Variants in EXOSC2 observed in about 807,000 individuals in gnomAD.
EXOSC2 encodes the protein exosome component 2, also known as exosome complex component RRP4.
EXOSC2 carries 29 observed loss-of-function variants against 37.6 expected under a neutral mutation model. The ratio of observed to expected loss-of-function variants is 0.77; its 90% CI spans 0.57 to 1.05. EXOSC2 has a LOEUF of 1.05. Among genes scored for constraint, EXOSC2 ranks in the 50% least tolerant of loss-of-function variants. The probability of loss-of-function intolerance (pLI) is 0.00; values close to 1 mark genes in which losing one functional copy is unlikely to be tolerated. For missense variants in EXOSC2, 346 were observed against 365.6 expected (o/e 0.95, Z 0.44); for synonymous variants, 119 against 131.1 (o/e 0.91, Z 0.63).
Position 130,694,052 on chromosome 9 carries a change from CT to C in EXOSC2, c.122+141del, listed in dbSNP as rs1038811576. The C allele has an allele frequency of 4.1e-6, 4 of 977,112 alleles. No individual in the cohort carries two copies. The African/African-American group carries it at 6.7e-5, about 16-fold the overall frequency. 60.5% of individuals were successfully genotyped at this position (977,112 alleles called of 1,614,324 possible). ...TCGTCTGAGCATCCTACACACCTCGCTTCCGAGCCTCGTGCTTCTTGCTCCC... is the reference window on the plus strand; with the variant it reads ...TCGTCTGAGCATCCTACACACCTCGCTCCGAGCCTCGTGCTTCTTGCTCCC... On this transcript the variant is annotated intron_variant, in intron 1 of 8. Coordinates refer to ENST00000372358, the MANE Select transcript of EXOSC2 (RefSeq NM_014285.7). This position sits in a 1 kb window ranked among gnomAD's most constrained non-coding sequence, Gnocchi z 4.0.
chr9:130,697,320 G>A (rs1220140973), intron 2 of EXOSC2, among the ~76,000 whole-genome samples: 4 of 152,158 alleles, frequency 2.6e-5, no homozygotes, highest in African/African-American at 7.2e-5. Context: ...TCGTGTAATC[G>A]AACAAAATAG....
At chr9:130,700,733 G>A in intron 5 of EXOSC2, 134 bp from the exon 6 acceptor site, 1 of 716,652 alleles carries the variant, frequency 1.4e-6, no homozygotes, top group Non-Finnish European at 2.4e-6. Flanking sequence ...ATGTGCTCTG[G>A]GTCAAAGATT....
At chr9:130,697,925 C>G in intron 3 of EXOSC2, 1 of 545,250 alleles carries the variant, frequency 1.8e-6, no homozygotes, top group South Asian at 2.1e-5. Context: ...TCCCAAGTAG[C>G]TGGGATTACA....
At position 130,702,140 on chromosome 9, in the gene EXOSC2, C is replaced by G; in HGVS notation, c.502C>G (p.Gln168Glu). 6.2e-7 allele frequency: 1 copy of G among 1,613,976 alleles called. No homozygotes were observed. The highest frequency in any genetic ancestry group is 8.5e-7 in the Non-Finnish European group (1 of 1,179,962). ...TCGTGATATATTTCTTTAGCTAGGT[C>G]AGGGGGTTTTGGTCCAGGTTTCCCC... ...TRSLKYGKLGQGVLVQVSPSL... is the reference protein window; with the variant it reads ...TRSLKYGKLGEGVLVQVSPSL... The change falls in exon 7 of 9, where the codon CAG becomes GAG. Residue 168 changes from glutamine to glutamate, a missense_variant. Physicochemically the swap from Gln to Glu is conservative, Grantham distance 29. Transcript: ENST00000372358.
rs555198147 is a variant in EXOSC2 at position 130,704,892 on chromosome 9, A to G, written c.*1118A>G. On this transcript the variant is annotated 3_prime_UTR_variant, in exon 9 of 9. Transcript: ENST00000372358. ...GAATTCCTGTGCATTGTTTTTTCTG[A>G]TGACTATCTAAAAATGGTGCCCTGA... 8 of 152,112 alleles carry G rather than the reference A, an allele frequency of 5.3e-5. No individual in the cohort carries two copies. The highest frequency in any genetic ancestry group is 2.0e-4 in the Admixed American group (3 of 15,242). The allele number at this position is 152,112 out of a possible 1,614,324, so 9.4% of individuals were successfully genotyped here.
chr9:130,700,587 G>C (rs1831194646), intron 5 of EXOSC2, among the ~76,000 whole-genome samples: 1 of 151,896 alleles, frequency 6.6e-6, no homozygotes, highest in African/African-American at 2.4e-5. Context: ...TAGAACTCCT[G>C]ACCTCAGGTG....
At position 130,700,860 on chromosome 9, in the gene EXOSC2, T is replaced by C; in HGVS notation, c.427-7T>C. 1 of 1,613,986 alleles carries C rather than the reference T, an allele frequency of 6.2e-7. No homozygotes were observed. Among genetic ancestry groups the C allele is most frequent in the Non-Finnish European group, 8.5e-7 (1 of 1,179,950 alleles). The stretch of plus-strand genomic sequence containing the variant: ...GCTGCTGTTTGTTCCTTCATCACCC[T>C]GGCCAGGCTGAGGTCCAGGCAGTGT... On this transcript the variant is annotated splice_region_variant and splice_polypyrimidine_tract_variant and intron_variant, in intron 5 of 8. Transcript: ENST00000372358.
intron 2 of EXOSC2, among the ~76,000 whole-genome samples, chr9:130,695,991 G>A (rs1181861672): frequency 6.6e-6 from 1 of 151,442 alleles, no homozygotes; most frequent in Non-Finnish European, 1.5e-5. Flanking sequence ...CTCCCGAGTA[G>A]CTGGGATTAC....
rs1831041353 is a variant in EXOSC2, at chr9:130,694,147, G to A, written c.122+234G>A. Among the ~76,000 whole-genome samples, 1 of 152,180 alleles carries A rather than the reference G, an allele frequency of 6.6e-6. No homozygotes were observed. Among genetic ancestry groups the A allele is most frequent in the East Asian group, 1.9e-4 (1 of 5,176 alleles). On this transcript the variant is annotated intron_variant, in intron 1 of 8. Transcript: ENST00000372358. The surrounding 1 kb of genome is among the most constrained non-coding windows in gnomAD (Gnocchi z 4.0). ...AACCCTCCACTCCTGACCTCCGGTGGCTGTGACTTTTGGGTCTTCTGCCTG... is the reference window on the plus strand; with the variant it reads ...AACCCTCCACTCCTGACCTCCGGTGACTGTGACTTTTGGGTCTTCTGCCTG...
chr9:130,698,023 A>G lies in EXOSC2; in HGVS notation c.271-139A>G. The G allele has an allele frequency of 1.4e-6, 1 of 712,674 alleles. No individual in the cohort carries two copies. Among genetic ancestry groups the G allele is most frequent in the South Asian group, 1.7e-5 (1 of 60,400 alleles). The allele number at this position is 712,674 out of a possible 1,614,324, so 44.1% of individuals were successfully genotyped here. On this transcript the variant is annotated intron_variant, in intron 3 of 8. Transcript: ENST00000372358. The surrounding 1 kb of genome is among the most constrained non-coding windows in gnomAD (Gnocchi z 4.1). ...TGGTCAGGCTGGTCTCAAACTCCTG[A>G]CCTCAAGTGATCCACCAGCTTCGGC...
chr9:130,700,643 G>T (rs1423560959), intron 5 of EXOSC2, among the ~76,000 whole-genome samples: 1 of 152,138 alleles, frequency 6.6e-6, no homozygotes, highest in Non-Finnish European at 1.5e-5. Flanking sequence ...ACAGGTGTGA[G>T]CCACCGCACC....
intron 6 of EXOSC2, 22 bp downstream of exon 6, chr9:130,700,957 C>T (rs1031306411): frequency 6.2e-7 from 1 of 1,612,838 alleles, no homozygotes; most frequent in Non-Finnish European, 8.5e-7. Context: ...TCTTGATGTT[C>T]CTGTTTGCTG....
chr9:130,698,341 C>A lies in EXOSC2; in HGVS notation c.360+90C>A. ...TGTTCCACCAGAGGACTTTGATTTA[C>A]ACTGAGGTTGCCCCTTTGACTCCTG... On this transcript the variant is annotated intron_variant, in intron 4 of 8. Coordinates refer to ENST00000372358, the MANE Select transcript of EXOSC2 (RefSeq NM_014285.7). This position sits in a 1 kb window ranked among gnomAD's most constrained non-coding sequence, Gnocchi z 4.1. 1 of 1,195,358 alleles carries A rather than the reference C, an allele frequency of 8.4e-7. No homozygotes were observed. Among genetic ancestry groups the A allele is most frequent in the Non-Finnish European group, 1.2e-6 (1 of 823,048 alleles). The allele number at this position is 1,195,358 out of a possible 1,614,324, so 74.0% of individuals were successfully genotyped here.
chr9:130,703,898 G>GGGCTGGAGGCCGTC lies in EXOSC2; in HGVS notation c.*124_*125insGGCTGGAGGCCGTC. The stretch of plus-strand genomic sequence containing the variant: ...CCTTTGTCTGCATTGACGGCCCTGT[G>GGGCTGGAGGCCGTC]ACGGCCTCCAGCCCACAGGCCTGCT... On this transcript the variant is annotated 3_prime_UTR_variant, in exon 9 of 9. Coordinates refer to ENST00000372358, the MANE Select transcript of EXOSC2 (RefSeq NM_014285.7). 3 of 767,524 alleles carry GGGCTGGAGGCCGTC rather than the reference G, an allele frequency of 3.9e-6. No individual in the cohort carries two copies. The highest frequency in any genetic ancestry group is 1.7e-5 in the African/African-American group (1 of 57,276). The allele number at this position is 767,524 out of a possible 1,614,324, so 47.5% of individuals were successfully genotyped here.
At position 130,703,159 on chromosome 9, in the gene EXOSC2, A is replaced by G; in HGVS notation, c.779A>G (p.Tyr260Cys). 1.2e-6 allele frequency: 2 copies of G among 1,612,882 alleles called. No homozygotes were observed. Among genetic ancestry groups the G allele is most frequent in the Non-Finnish European group, 8.5e-7 (1 of 1,179,102 alleles). ...MLYDTSILYC[Y>C]EASLPHQIKD... ...TATGATACCAGCATCCTGTACTGCTATGAAGCATCCCTTCCACATCAGGTA... is the reference window on the plus strand; with the variant it reads ...TATGATACCAGCATCCTGTACTGCTGTGAAGCATCCCTTCCACATCAGGTA... The change falls in exon 8 of 9, where the codon TAT becomes TGT. Residue 260 changes from tyrosine to cysteine, a missense_variant. Coordinates refer to ENST00000372358, the MANE Select transcript of EXOSC2 (RefSeq NM_014285.7).
At chr9:130,695,851 TTC>T (rs1831082371) in intron 2 of EXOSC2, among the ~76,000 whole-genome samples, 2 of 146,606 alleles carry the variant, frequency 1.4e-5, no homozygotes, top group Non-Finnish European at 3.0e-5. Context: ...TCATAGGATT[TTC>T]TCTTTTTTTT....
rs369252073 is a variant in EXOSC2 at position 130,694,910 on chromosome 9, T to C, written c.123-582T>C. 1.5e-4 allele frequency among the ~76,000 whole-genome samples: 23 copies of C among 151,650 alleles called. 3 individuals carry two copies. The highest frequency in any genetic ancestry group is 5.9e-4 in the Admixed American group (9 of 15,216). ...TTTTTTAGTAGAGACAGGGTTTCAC[T>C]GTGTTGGCCAGGCTGGTCTCGATCC... is the stretch of plus-strand genomic sequence containing the variant. On this transcript the variant is annotated intron_variant, in intron 1 of 8. Coordinates refer to ENST00000372358, the MANE Select transcript of EXOSC2 (RefSeq NM_014285.7). This position sits in a 1 kb window ranked among gnomAD's most constrained non-coding sequence, Gnocchi z 4.0.
rs563153960 is a variant in EXOSC2 at position 130,702,330 on chromosome 9, A to G, written c.672+20A>G. On this transcript the variant is annotated intron_variant, in intron 7 of 8. Transcript: ENST00000372358. ...CTGGAGGTGAGCAAACACTGTGGCC[A>G]TTTTCAGTGGGATGGAGGGGGCTCA... 2.5e-6 allele frequency: 4 copies of G among 1,602,386 alleles called. No individual in the cohort carries two copies. The highest frequency in any genetic ancestry group is 2.2e-5 in the East Asian group (1 of 44,652).
intron 2 of EXOSC2, 123 bp from the exon 3 acceptor site, chr9:130,697,459 A>G: frequency 2.3e-6 from 2 of 868,136 alleles, no homozygotes; most frequent in East Asian, 4.9e-5. Flanking sequence ...TAGTTACATG[A>G]ATTTGCTGAA....
Sources: allele counts gnomAD v4.1 joint callset (sites outside exome capture counted in the v4.1 genomes callset), GRCh38; gene constraint gnomAD v4.1.1; non-coding constraint Gnocchi (gnomAD v3.1); transcripts MANE v1.5; gene names NCBI Gene and HGNC (gene_info 2026-07-23, HGNC 2026-07-21).